Variants in FBP2 observed in about 807,000 individuals in gnomAD.
The protein encoded by FBP2 is fructose-1,6-bisphosphatase isozyme 2.
A neutral mutation model predicts 31.6 loss-of-function variants in FBP2; 27 were observed. The observed-to-expected ratio is 0.85, with a 90% CI of 0.63 to 1.18. The LOEUF is 1.18. Among genes scored for constraint, FBP2 ranks in the 50% most tolerant of loss-of-function variants. FBP2 has a pLI of 0.00. For synonymous variants in FBP2, 168 were observed against 179.8 expected, an observed-to-expected ratio of 0.93 and a Z score of 0.53; for missense variants, 421 against 436.1, an observed-to-expected ratio of 0.97 and a Z score of 0.31.
chr9:94,564,923 C>G (rs1827163538), intron 5 of FBP2, among the ~76,000 whole-genome samples: 1 of 151,978 alleles, frequency 6.6e-6, no homozygotes, highest in Non-Finnish European at 1.5e-5. Context: ...TTTCAAAAAG[C>G]TAGAAGGAGG....
intron 4 of FBP2, chr9:94,569,391 C>T (rs373005777): frequency 2.6e-5 from 4 of 152,182 alleles, no homozygotes; most frequent in African/African-American, 9.7e-5. Context: ...TTAATTGAGC[C>T]GGGGTCAATT....
rs755966396 is a variant in FBP2 at position 94,587,439 on chromosome 9, C to G, written c.201G>C (p.Thr67=). ...CATCCAGTTTCTTCACCTCATCTCCCGTCACGTTAACGCTTCCTGCGATTC... is the reference window on the plus strand; with the variant it reads ...CATCCAGTTTCTTCACCTCATCTCCGGTCACGTTAACGCTTCCTGCGATTC... ...LYGIAGSVNV[T]GDEVKKLDVL... Residue 67 remains threonine (T), a synonymous_variant, in exon 2 of 7, where the codon ACG becomes ACC. Coordinates refer to ENST00000375337, the MANE Select transcript of FBP2 (RefSeq NM_003837.4). 6.2e-7 allele frequency: 1 copy of G among 1,614,024 alleles called. No individual in the cohort carries two copies.
At chr9:94,585,305 C>T (rs1412118028) in intron 2 of FBP2, among the ~76,000 whole-genome samples, 2 of 152,154 alleles carry the variant, frequency 1.3e-5, no homozygotes, top group African/African-American at 4.8e-5. Context: ...TTCATGCATG[C>T]ATGCATTCAG....
chr9:94,563,578 C>A (rs1827142035), intron 5 of FBP2, 117 bp from the exon 6 acceptor site: 3 of 1,101,256 alleles, frequency 2.7e-6, no homozygotes, highest in Non-Finnish European at 4.0e-6. Flanking sequence ...CTATCCTCCA[C>A]CCACTAGTGT....
At chr9:94,591,793 T>G (rs971317050) in intron 1 of FBP2, among the ~76,000 whole-genome samples, 1 of 152,060 alleles carries the variant, frequency 6.6e-6, no homozygotes, top group African/African-American at 2.4e-5. Flanking sequence ...GCTACTATAC[T>G]CTCCATTTCA....
chr9:94,592,919 G>A (rs76462412), intron 1 of FBP2, among the ~76,000 whole-genome samples: 7,761 of 152,164 alleles, frequency 0.051, 691 homozygotes, highest in African/African-American at 0.18. Flanking sequence ...ATCTATGCTC[G>A]GATAAAGCAC....
chr9:94,559,281 C>CT (rs1426989139), intron 6 of FBP2, 149 bp from the exon 7 acceptor site: 24 of 665,286 alleles, frequency 3.6e-5, no homozygotes, highest in Non-Finnish European at 2.5e-6. Flanking sequence ...TGGGCCCGAG[C>CT]TTTAGAGCCT....
chr9:94,561,194 T>C (rs902840784), intron 6 of FBP2, among the ~76,000 whole-genome samples: 2 of 152,054 alleles, frequency 1.3e-5, no homozygotes, highest in Non-Finnish European at 2.9e-5. Context: ...TCAACTACTT[T>C]AATCAAAAAA....
intron 3 of FBP2, among the ~76,000 whole-genome samples, chr9:94,579,198 A>T (rs1427672890): frequency 1.3e-5 from 2 of 150,144 alleles, no homozygotes; most frequent in East Asian, 3.9e-4. Context: ...GGAGATGGAG[A>T]CCATCCTGGC....
chr9:94,590,013 A>G (rs1215903057), intron 1 of FBP2, among the ~76,000 whole-genome samples: 1 of 152,092 alleles, frequency 6.6e-6, no homozygotes, highest in African/African-American at 2.4e-5. Flanking sequence ...CAGAGCTGAG[A>G]AACAGCCTCT....
intron 6 of FBP2, among the ~76,000 whole-genome samples, chr9:94,561,350 G>GTTTTTTT (rs1463916724): frequency 5.0e-5 from 3 of 59,788 alleles, no homozygotes; most frequent in African/African-American, 1.5e-4. Flanking sequence ...CATGTGACCT[G>GTTTTTTT]TATTTTTTTT....
At chr9:94,573,371 A>G (rs542358305) in intron 3 of FBP2, among the ~76,000 whole-genome samples, 10 of 152,078 alleles carry the variant, frequency 6.6e-5, no homozygotes, top group Non-Finnish European at 1.2e-4. Context: ...TCATCCTCCC[A>G]TCTCAACTTC....
At chr9:94,574,843 C>T (rs779668190) in intron 3 of FBP2, among the ~76,000 whole-genome samples, 7 of 152,258 alleles carry the variant, frequency 4.6e-5, no homozygotes, top group African/African-American at 7.2e-5. Flanking sequence ...TTGTCTAACA[C>T]GGTCCTGAGA....
At chr9:94,575,631 T>A (rs1827308280) in intron 3 of FBP2, among the ~76,000 whole-genome samples, 1 of 152,102 alleles carries the variant, frequency 6.6e-6, no homozygotes, top group South Asian at 2.1e-4. Context: ...GTCCCAGGAG[T>A]GAAATTGCTT....
intron 1 of FBP2, among the ~76,000 whole-genome samples, chr9:94,591,814 C>A (rs1034321416): frequency 6.6e-6 from 1 of 152,196 alleles, no homozygotes. Context: ...CAAAGGGAAT[C>A]TAAGGTCCTA....
At chr9:94,592,158 C>T (rs1352147481) in intron 1 of FBP2, among the ~76,000 whole-genome samples, 1 of 152,186 alleles carries the variant, frequency 6.6e-6, no homozygotes, top group African/African-American at 2.4e-5. Flanking sequence ...GCACCGCCTG[C>T]CCTCACATTC....
Position 94,563,933 on chromosome 9 carries a change from G to A in FBP2, c.706-472C>T, listed in dbSNP as rs374193646. ...GGTAAAGGGCTCAATTCAACAAGAA[G>A]ACTTAACTATCCTAAATAATATGCA... On this transcript the variant is annotated intron_variant, in intron 5 of 6. Transcript: ENST00000375337. Among the ~76,000 whole-genome samples, 15 of 152,282 alleles carry A rather than the reference G, an allele frequency of 9.9e-5. No homozygotes were observed. In the East Asian group the frequency reaches 2.5e-3, roughly 25 times the overall value.
At chr9:94,563,901 A>G (rs1355242304) in intron 5 of FBP2, among the ~76,000 whole-genome samples, 1 of 152,232 alleles carries the variant, frequency 6.6e-6, no homozygotes, top group Non-Finnish European at 1.5e-5. Context: ...AAAGGACATT[A>G]CATAATGGTA....
chr9:94,590,127 G>A (rs1378604814), intron 1 of FBP2, among the ~76,000 whole-genome samples: 4 of 151,976 alleles, frequency 2.6e-5, no homozygotes, highest in Non-Finnish European at 1.5e-5. Context: ...CTCCTAGAAA[G>A]AATGGAAACT....
Sources: gnomAD v4.1 joint callset for allele counts (sites outside exome capture counted in the v4.1 genomes callset) on GRCh38, gnomAD v4.1.1 for gene constraint, MANE v1.5 for transcripts, NCBI Gene and HGNC (gene_info 2026-07-23, HGNC 2026-07-21) for gene names.